Variants in LDAH observed in about 807,000 individuals in gnomAD.
LDAH encodes lipid droplet associated hydrolase.
In LDAH, 26 loss-of-function variants were observed where a neutral mutation model predicts 29.6. The observed-to-expected ratio is 0.88, with a 90% CI of 0.64 to 1.22. The LOEUF (loss-of-function observed/expected upper bound fraction) is 1.22. Ranked by LOEUF, LDAH falls within the 50% of genes most tolerant of loss-of-function variation. The pLI, the probability that LDAH is intolerant of heterozygous loss-of-function variation, is 0.00. For missense variants in LDAH, 344 were observed against 387.3 expected (o/e 0.89, Z 0.94); for synonymous variants, 117 against 133.0 (o/e 0.88, Z 0.83).
rs1667061296 is a variant in LDAH at position 20,739,994 on chromosome 2, T to C, written c.680A>G (p.Asn227Ser). The part of the protein sequence containing the change: ...MNLENEFSPL[N>S]ILEPFCLANA... ...ACCAAGGCAGAATGGTTCTAATATA[T>C]TCAATGGTGAAAATTCATTCTCTAG... is the stretch of plus-strand genomic sequence containing the variant. Residue 227 changes from asparagine (N) to serine (S), a missense_variant, in exon 5 of 7, where the codon AAT (asparagine) becomes AGT (serine). Physicochemically the swap from Asn to Ser is conservative, Grantham distance 46. Coordinates refer to ENST00000237822, the MANE Select transcript of LDAH (RefSeq NM_021925.4). 2 of 1,613,736 alleles carry C rather than the reference T, an allele frequency of 1.2e-6. No individual in the cohort carries two copies. Among genetic ancestry groups the C allele is most frequent in the Non-Finnish European group, 8.5e-7 (1 of 1,179,682 alleles).
At chr2:20,818,375 G>C (rs1234794956) in intron 1 of LDAH, among the ~76,000 whole-genome samples, 1 of 152,102 alleles carries the variant, frequency 6.6e-6, no homozygotes, top group Admixed American at 6.6e-5. Context: ...TTAGCACATA[G>C]CCCTATATAA....
intron 3 of LDAH, among the ~76,000 whole-genome samples, chr2:20,779,659 ATTGTT>A (rs1031866345): frequency 6.6e-6 from 1 of 152,088 alleles, no homozygotes; most frequent in African/African-American, 2.4e-5. Context: ...CTTTTTCTGT[ATTGTT>A]TTATTTCACT....
intron 4 of LDAH, among the ~76,000 whole-genome samples, chr2:20,755,923 C>A (rs1367437454): frequency 6.6e-6 from 1 of 152,072 alleles, no homozygotes; most frequent in Non-Finnish European, 1.5e-5. Context: ...CTGGAGAATA[C>A]CACACCAAAA....
At chr2:20,718,890 T>G (rs764098538) in intron 5 of LDAH, among the ~76,000 whole-genome samples, 8 of 151,616 alleles carry the variant, frequency 5.3e-5, no homozygotes, top group South Asian at 2.1e-4. Flanking sequence ...ACATGGAAAT[T>G]AAACAACATG....
At chr2:20,792,297 T>G (rs1055523992) in intron 2 of LDAH, among the ~76,000 whole-genome samples, 3 of 152,166 alleles carry the variant, frequency 2.0e-5, no homozygotes, top group Non-Finnish European at 4.4e-5. Context: ...TATAACTTAC[T>G]ACATGCCAGG....
chr2:20,795,179 A>T (rs1330901293), intron 2 of LDAH, among the ~76,000 whole-genome samples: 1 of 152,222 alleles, frequency 6.6e-6, no homozygotes, highest in Non-Finnish European at 1.5e-5. Context: ...AATCAGTCAA[A>T]TACCCATGCA....
chr2:20,721,628 C>G (rs1665657107), intron 5 of LDAH, among the ~76,000 whole-genome samples: 1 of 151,498 alleles, frequency 6.6e-6, no homozygotes, highest in Admixed American at 6.6e-5. Flanking sequence ...AAGAAAAAGA[C>G]AAAAAATAAC....
chr2:20,691,489 T>TAAG (rs1663020947), intron 6 of LDAH, among the ~76,000 whole-genome samples: 1 of 152,172 alleles, frequency 6.6e-6, no homozygotes, highest in Admixed American at 6.5e-5. Context: ...CCCAACTACC[T>TAAG]TTACTGAAAG....
At chr2:20,820,955 G>A (rs1331007872) in intron 1 of LDAH, among the ~76,000 whole-genome samples, 4 of 148,302 alleles carry the variant, frequency 2.7e-5, no homozygotes, top group African/African-American at 7.6e-5. Context: ...AGTGGGTGAA[G>A]GATATGAACA....
intron 5 of LDAH, among the ~76,000 whole-genome samples, chr2:20,721,575 C>A (rs539891263): frequency 2.0e-4 from 30 of 151,392 alleles, no homozygotes; most frequent in East Asian, 1.4e-3. Flanking sequence ...AAAAAAAAAA[C>A]CCCACAATTA....
chr2:20,781,728 T>C (rs569683567), intron 3 of LDAH, among the ~76,000 whole-genome samples: 2 of 152,310 alleles, frequency 1.3e-5, no homozygotes, highest in Admixed American at 1.3e-4. Context: ...ACTCTTTGTA[T>C]ACCCTTGTAG....
At chr2:20,728,049 G>C (rs1014477923) in intron 5 of LDAH, among the ~76,000 whole-genome samples, 12 of 152,096 alleles carry the variant, frequency 7.9e-5, no homozygotes, top group Admixed American at 2.0e-4. Flanking sequence ...GAATATTTTG[G>C]TTCCTAGAAT....
At chr2:20,788,491 A>G (rs1335122458) in intron 3 of LDAH, among the ~76,000 whole-genome samples, 1 of 152,216 alleles carries the variant, frequency 6.6e-6, no homozygotes. Flanking sequence ...CAAAGAGTAC[A>G]GGCTTTTGTA....
At chr2:20,726,576 G>C (rs752729314) in intron 5 of LDAH, among the ~76,000 whole-genome samples, 1 of 152,184 alleles carries the variant, frequency 6.6e-6, no homozygotes, top group South Asian at 2.1e-4. Context: ...TTCTTCAGCG[G>C]TTATTTATTT....
chr2:20,707,810 T>C (rs769963870), intron 5 of LDAH, among the ~76,000 whole-genome samples: 10 of 152,104 alleles, frequency 6.6e-5, no homozygotes, highest in Non-Finnish European at 1.3e-4. Context: ...CGGCAGGAGG[T>C]GAGCAGCAGG....
In LDAH at chr2:20,784,050, T is replaced by G. The variant is rs188119916; in HGVS notation, c.298+6205A>C. ...CTTGTAGACAACATATAGTTGGATC[T>G]CCCCCTACCACTCCAACAATCTGTG... On this transcript the variant is annotated intron_variant, in intron 3 of 6. Coordinates refer to ENST00000237822, the MANE Select transcript of LDAH (RefSeq NM_021925.4). Among the ~76,000 whole-genome samples, 218 of 152,242 alleles carry G rather than the reference T, an allele frequency of 1.4e-3. 2 individuals are homozygous for G. Among genetic ancestry groups the G allele is most frequent in the Non-Finnish European group, 1.4e-3 (92 of 68,012 alleles).
intron 5 of LDAH, among the ~76,000 whole-genome samples, chr2:20,723,258 A>G (rs1665785193): frequency 6.6e-6 from 1 of 152,214 alleles, no homozygotes; most frequent in African/African-American, 2.4e-5. Flanking sequence ...AGTTATTTAA[A>G]GTCCAAAACC....
At chr2:20,739,835 TAG>T in intron 5 of LDAH, 134 bp downstream of exon 5, 1 of 601,258 alleles carries the variant, frequency 1.7e-6, no homozygotes, top group South Asian at 2.5e-5. Flanking sequence ...TATTTATTTC[TAG>T]TTTTAAACTT....
At chr2:20,779,055 T>G (rs1008117538) in intron 3 of LDAH, among the ~76,000 whole-genome samples, 1 of 152,088 alleles carries the variant, frequency 6.6e-6, no homozygotes, top group Non-Finnish European at 1.5e-5. Context: ...GCACTACACA[T>G]GCCTTTGGTA....
Sources: gnomAD v4.1 joint callset for allele counts (sites outside exome capture counted in the v4.1 genomes callset) on GRCh38, gnomAD v4.1.1 for gene constraint, MANE v1.5 for transcripts, NCBI Gene and HGNC (gene_info 2026-07-23, HGNC 2026-07-21) for gene names.